The following OTOGL variants were observed in gnomAD, a reference collection of about 807,000 sequenced individuals.
OTOGL encodes otogelin like.
Under a neutral mutation model 318.5 loss-of-function variants are expected in OTOGL, and 285 were observed. That is an observed-to-expected ratio of 0.89 (90% CI 0.81 to 0.99). OTOGL has a LOEUF of 0.99. Ranked by LOEUF, OTOGL falls within the 50% of genes least tolerant of loss-of-function variation. The pLI is 0.00. For missense variants in OTOGL, 2,899 were observed against 2,845.6 expected (o/e 1.02, Z -0.43); for synonymous variants, 987 against 936.5 (o/e 1.05, Z -0.99).
intron 33 of OTOGL, among the ~76,000 whole-genome samples, chr12:80,319,771 C>T (rs891587366): frequency 1.3e-5 from 2 of 151,962 alleles, no homozygotes; most frequent in African/African-American, 4.8e-5. Flanking sequence ...ATGAGTTTTA[C>T]AAATATAAGG....
intron 26 of OTOGL, among the ~76,000 whole-genome samples, chr12:80,279,762 T>C (rs1361178978): frequency 6.6e-6 from 1 of 151,858 alleles, no homozygotes; most frequent in Non-Finnish European, 1.5e-5. Context: ...TGCATACATG[T>C]GTCTTTACGG....
chr12:80,208,355 G>T, intron 1 of OTOGL: 1 of 404,660 alleles, frequency 2.5e-6, no homozygotes. Flanking sequence ...AGTCATTGCA[G>T]AAGAGTTGTC....
chr12:80,172,620 A>C (rs559300446), intron 1 of OTOGL, among the ~76,000 whole-genome samples: 1 of 150,482 alleles, frequency 6.6e-6, no homozygotes, highest in African/African-American at 2.4e-5. Flanking sequence ...TTTTTTTCCT[A>C]TCTTATGTTT....
intron 6 of OTOGL, among the ~76,000 whole-genome samples, 191 bp downstream of exon 6, chr12:80,220,103 T>C (rs1418730773): frequency 2.0e-5 from 3 of 152,148 alleles, no homozygotes; most frequent in Non-Finnish European, 4.4e-5. Context: ...TCCCTTCTCA[T>C]TGAGCTCTCT....
chr12:80,298,139 G>A (rs1197249726), intron 27 of OTOGL, among the ~76,000 whole-genome samples: 1 of 152,206 alleles, frequency 6.6e-6, no homozygotes, highest in South Asian at 2.1e-4. Context: ...AAATAACACT[G>A]TGCTTGCCTT....
Position 80,296,886 on chromosome 12 carries a change from T to C in OTOGL, c.2988T>C (p.Asp996=). 1 of 1,532,372 alleles carries C rather than the reference T, an allele frequency of 6.5e-7. No homozygotes were observed. The highest frequency in any genetic ancestry group is 1.2e-5 in the South Asian group (1 of 83,788). 94.9% of individuals were successfully genotyped at this position (1,532,372 alleles called of 1,614,324 possible). ...IAQNKKCFDN[D]IVCSKSVLIS... ...AGAACAAGAAATGCTTTGACAACGA[T>C]ATTGTTTGTTCTAAAAGTGTTTTGA... is the stretch of plus-strand genomic sequence containing the variant. The change falls in exon 27 of 59, where the codon GAT becomes GAC. Residue 996 remains aspartate, a synonymous_variant. Coordinates refer to ENST00000547103, the MANE Select transcript of OTOGL (RefSeq NM_001378609.3).
At chr12:80,322,133 A>G (rs1015323158) in intron 34 of OTOGL, among the ~76,000 whole-genome samples, 2 of 152,156 alleles carry the variant, frequency 1.3e-5, no homozygotes, top group Admixed American at 1.3e-4. Flanking sequence ...TTGTTTTGAG[A>G]TCTGCAAGTG....
rs756762277 is a variant in OTOGL at position 80,342,443 on chromosome 12, GA to G, written c.5265+282del. Among the ~76,000 whole-genome samples, 77 of 152,138 alleles carry G rather than the reference GA, an allele frequency of 5.1e-4. 2 individuals carry two copies. The highest frequency in any genetic ancestry group is 1.0e-3 in the Non-Finnish European group (71 of 68,006). On this transcript the variant is annotated intron_variant, in intron 44 of 58. Coordinates refer to ENST00000547103, the MANE Select transcript of OTOGL (RefSeq NM_001378609.3). The stretch of plus-strand genomic sequence containing the variant: ...TGAATAAATGTCTCCAGGAGACAGA[GA>G]TCAATGACATTTGATAACCCAGTAT...
chr12:80,224,311 G>A (rs1878625260), intron 7 of OTOGL, among the ~76,000 whole-genome samples: 1 of 152,088 alleles, frequency 6.6e-6, no homozygotes, highest in Admixed American at 6.6e-5. Flanking sequence ...TGCTGTTTTG[G>A]TGACTATGGC....
intron 42 of OTOGL, among the ~76,000 whole-genome samples, chr12:80,337,964 A>G (rs1234123092): frequency 6.6e-6 from 1 of 152,048 alleles, no homozygotes; most frequent in Non-Finnish European, 1.5e-5. Flanking sequence ...GGTCAGTGTC[A>G]TTATTTGGAG....
chr12:80,344,748 C>G (rs1889051010), intron 44 of OTOGL, among the ~76,000 whole-genome samples: 1 of 151,690 alleles, frequency 6.6e-6, no homozygotes, highest in African/African-American at 2.4e-5. Context: ...TTCTTCAGAA[C>G]TAGTTTTAGA....
At chr12:80,341,066 T>G (rs1374171099) in intron 43 of OTOGL, among the ~76,000 whole-genome samples, 1 of 152,128 alleles carries the variant, frequency 6.6e-6, no homozygotes, top group Admixed American at 6.6e-5. Flanking sequence ...AAGAAAATTT[T>G]TATTCATATA....
intron 24 of OTOGL, among the ~76,000 whole-genome samples, chr12:80,277,595 A>G (rs1477345331): frequency 6.6e-6 from 1 of 151,340 alleles, no homozygotes; most frequent in African/African-American, 2.4e-5. Flanking sequence ...CTTGAAGGAA[A>G]ACCAACATTC....
At position 80,305,546 on chromosome 12, in the gene OTOGL, A is replaced by G. The variant is rs752309150; in HGVS notation, c.3214-30A>G. ...CTTTAAATGTTAAAGTGAAAACAGA[A>G]TATTTCCTGGTGATTTTCTCTTACT... On this transcript the variant is annotated intron_variant, in intron 28 of 58. Transcript: ENST00000547103. 3.4e-6 allele frequency: 5 copies of G among 1,473,364 alleles called. No individual in the cohort carries two copies. In the African/African-American group the frequency reaches 5.6e-5, roughly 17 times the overall value. The allele number at this position is 1,473,364 out of a possible 1,614,324, so 91.3% of individuals were successfully genotyped here.
At position 80,256,436 on chromosome 12, in the gene OTOGL, C is replaced by G. The variant is rs749485050; in HGVS notation, c.1687C>G (p.Pro563Ala). Residue 563 changes from proline to alanine, a missense_variant, in exon 17 of 59, where the codon CCT (proline) becomes GCT (alanine). Physicochemically the swap from Pro to Ala is conservative, Grantham distance 27. Coordinates refer to ENST00000547103, the MANE Select transcript of OTOGL (RefSeq NM_001378609.3). Reference protein sequence around the residue: ...LGRGGQILTSPNQGFNLNGIV... With the variant: ...LGRGGQILTSANQGFNLNGIV... ...TAGGGGAGGACAAATTCTCACTAGTCCTAACCAAGGCTTCAACCTGAATGG... is the reference window on the plus strand; with the variant it reads ...TAGGGGAGGACAAATTCTCACTAGTGCTAACCAAGGCTTCAACCTGAATGG... The G allele has an allele frequency of 6.3e-7, 1 of 1,585,358 alleles. No homozygotes were observed. The highest frequency in any genetic ancestry group is 1.1e-5 in the South Asian group (1 of 88,640).
At chr12:80,149,025 T>A (rs566716209) in intron 1 of OTOGL, among the ~76,000 whole-genome samples, 2 of 152,308 alleles carry the variant, frequency 1.3e-5, no homozygotes, top group African/African-American at 4.8e-5. Context: ...CAGAGTAATT[T>A]GATCGTCTGA....
intron 52 of OTOGL, among the ~76,000 whole-genome samples, chr12:80,363,444 C>T (rs910166382): frequency 2.6e-5 from 4 of 152,114 alleles, no homozygotes; most frequent in Non-Finnish European, 5.9e-5. Context: ...GAATGAACAT[C>T]TTCACTATTG....
At chr12:80,271,073 G>C (rs4525303) in intron 23 of OTOGL, among the ~76,000 whole-genome samples, 1 of 151,972 alleles carries the variant, frequency 6.6e-6, no homozygotes, top group Non-Finnish European at 1.5e-5. Flanking sequence ...ACACACATTC[G>C]GTAGCTACAG....
In OTOGL at chr12:80,219,894, G is replaced by T; in HGVS notation, c.316G>T (p.Gly106Trp). 1 of 1,579,390 alleles carries T rather than the reference G, an allele frequency of 6.3e-7. No individual in the cohort carries two copies. ...TGACTGTCAAATATTTCAGGCTCTT[G>T]GGACAAGATGCCAGATCAGTAAGTT... ...TCDCQIFQAL[G>W]TRCQIIPNMG... Residue 106 changes from glycine (G) to tryptophan (W), a missense_variant, in exon 6 of 59, where the codon GGG becomes TGG. Physicochemically the swap from Gly to Trp is radical, Grantham distance 184. Transcript: ENST00000547103.
Sources: allele counts gnomAD v4.1 joint callset (sites outside exome capture counted in the v4.1 genomes callset), GRCh38; gene constraint gnomAD v4.1.1; transcripts MANE v1.5; gene names NCBI Gene and HGNC (gene_info 2026-07-23, HGNC 2026-07-21).